CIMAP1D: variants seen among roughly 807,000 people sequenced by gnomAD.
CIMAP1D encodes protein CIMAP1D.
the CIMAP1D span, among the ~76,000 whole-genome samples, chr19:479,341 C>G: frequency 3.4e-5 from 5 of 149,074 alleles, no homozygotes; most frequent in Non-Finnish European, 7.4e-5. Context: ...GCTGTAGAAG[C>G]TCAGGAAGCT....
chr19:464,252 C>T, the CIMAP1D span: 1 of 1,533,868 alleles, frequency 6.5e-7, no homozygotes, highest in African/African-American at 1.4e-5. Context: ...CTGAGGTGTC[C>T]AGGGGCTTCA....
chr19:478,248 G>A, the CIMAP1D span, among the ~76,000 whole-genome samples: 2 of 147,646 alleles, frequency 1.4e-5, no homozygotes, highest in Middle Eastern at 3.4e-3. Context: ...AGACAGAGGG[G>A]ACAAGGGCCT....
chr19:480,158 C>T, the CIMAP1D span, among the ~76,000 whole-genome samples: 2 of 152,226 alleles, frequency 1.3e-5, no homozygotes, highest in African/African-American at 2.4e-5. Context: ...AGGAACTGCA[C>T]GCACAGAGGC....
chr19:465,679 A>G, the CIMAP1D span, among the ~76,000 whole-genome samples: 42 of 73,922 alleles, frequency 5.7e-4, no homozygotes, highest in South Asian at 1.1e-3. Flanking sequence ...ATGGATGGGC[A>G]GATAGATGGT....
chr19:481,480 G>C, the CIMAP1D span, among the ~76,000 whole-genome samples: 30 of 114,434 alleles, frequency 2.6e-4, no homozygotes, highest in Non-Finnish European at 3.6e-4. Context: ...TGATGGGGAA[G>C]GATGATGGGA....
the CIMAP1D span, chr19:463,725 G>A: frequency 2.0e-5 from 29 of 1,417,962 alleles, no homozygotes; most frequent in Non-Finnish European, 2.5e-5. Context: ...GGACAGTTCA[G>A]GAAAGGGGAG....
chr19:464,134 G>A, the CIMAP1D span: 1 of 491,114 alleles, frequency 2.0e-6, no homozygotes, highest in Non-Finnish European at 3.6e-6. Flanking sequence ...TCCTGCGGGG[G>A]GCGGGCGGGG....
chr19:463,843 C>T, the CIMAP1D span: 12 of 1,606,370 alleles, frequency 7.5e-6, no homozygotes, highest in Non-Finnish European at 1.0e-5. Context: ...ACAGGCCTGG[C>T]CTAGCAGCAG....
chr19:489,745 A>G, the CIMAP1D span: 2 of 329,744 alleles, frequency 6.1e-6, no homozygotes, highest in African/African-American at 4.3e-5. Flanking sequence ...CCGGGGGAGA[A>G]CCACCCTCCC....
chr19:474,729 C>T, the CIMAP1D span: 9 of 1,540,958 alleles, frequency 5.8e-6, no homozygotes, highest in East Asian at 2.4e-5. Context: ...GGGGTGGAGT[C>T]GCAGCTGAGG....
the CIMAP1D span, among the ~76,000 whole-genome samples, chr19:478,318 C>CCAGACAGCCACTAAAGG: frequency 6.6e-6 from 1 of 152,250 alleles, no homozygotes; most frequent in South Asian, 2.1e-4. Flanking sequence ...CCAGGCCACA[C>CCAGACAGCCACTAAAGG]CAGACAGCCA....
At chr19:486,385 CA>C in the CIMAP1D span, among the ~76,000 whole-genome samples, 1 of 152,146 alleles carries the variant, frequency 6.6e-6, no homozygotes, top group Non-Finnish European at 1.5e-5. Flanking sequence ...AGGCCTTGCT[CA>C]AATCTCTCCA....
At chr19:464,180 G>A in the CIMAP1D span, 1 of 1,509,112 alleles carries the variant, frequency 6.6e-7, no homozygotes, top group Non-Finnish European at 8.9e-7. Context: ...TGGGGCTGCT[G>A]GGCTTGGTGA....
At chr19:470,373 A>AT in the CIMAP1D span, among the ~76,000 whole-genome samples, 12 of 148,002 alleles carry the variant, frequency 8.1e-5, no homozygotes, top group African/African-American at 1.5e-4. Context: ...CGCCCGGCTA[A>AT]TTTTTTTTTT....
chr19:474,621 CG>C, the CIMAP1D span: 1 of 1,549,154 alleles, frequency 6.5e-7, no homozygotes, highest in Non-Finnish European at 8.8e-7. Flanking sequence ...TGGCACGCAC[CG>C]TTCTCCAGGG....
the CIMAP1D span, chr19:474,501 G>A: frequency 9.3e-7 from 1 of 1,073,156 alleles, no homozygotes; most frequent in Non-Finnish European, 1.2e-6. Context: ...TCTGGGGAAG[G>A]GCAAGGACTT....
the CIMAP1D span, among the ~76,000 whole-genome samples, chr19:466,988 A>G: frequency 4.4e-4 from 16 of 36,546 alleles, no homozygotes; most frequent in African/African-American, 7.5e-4. Context: ...GTGGGTGGGT[A>G]GATGGATGAG....
At chr19:485,984 C>T in the CIMAP1D span, among the ~76,000 whole-genome samples, 3 of 152,346 alleles carry the variant, frequency 2.0e-5, no homozygotes, top group East Asian at 1.9e-4. Context: ...CCTTTGTTCC[C>T]GGGAGACTCT....
the CIMAP1D span, among the ~76,000 whole-genome samples, chr19:471,110 A>AT: frequency 6.6e-6 from 1 of 151,932 alleles, no homozygotes. Flanking sequence ...AGCACTTACT[A>AT]TTTTTTCTTT....
Sources: gnomAD v4.1 joint callset for allele counts (sites outside exome capture counted in the v4.1 genomes callset) on GRCh38, gnomAD v4.1.1 for gene constraint, MANE v1.5 for transcripts, NCBI Gene and HGNC (gene_info 2026-07-23, HGNC 2026-07-21) for gene names.